The following OLFM2 variants were observed in gnomAD, a reference collection of about 807,000 sequenced individuals.
OLFM2 encodes the protein noelin-2.
Under a neutral mutation model 43.9 loss-of-function variants are expected in OLFM2, and 20 were observed. The observed-to-expected ratio is 0.46, with a 90% CI of 0.32 to 0.66. The LOEUF (loss-of-function observed/expected upper bound fraction) is 0.66. OLFM2 is among the 30% of genes least tolerant of loss of function. The pLI is 0.04. For synonymous variants in OLFM2, 268 were observed against 278.6 expected (o/e 0.96, Z 0.38); for missense variants, 416 against 643.6 (o/e 0.65, Z 3.83).
In OLFM2 at chr19:9,853,993, TC is replaced by T. The variant is rs2046291732; in HGVS notation, c.*192del. On this transcript the variant is annotated 3_prime_UTR_variant, in exon 6 of 6. Coordinates refer to ENST00000264833, the MANE Select transcript of OLFM2 (RefSeq NM_058164.4). Reference sequence around the variant, plus strand: ...AGAAGTGGTGTATTAAAAGCAGAGATCAATAAAGGAGAAGAGGGGAAATTGA... The same window carrying T: ...AGAAGTGGTGTATTAAAAGCAGAGATAATAAAGGAGAAGAGGGGAAATTGA... The T allele has an allele frequency of 1.7e-6, 1 of 595,570 alleles. No homozygotes were observed. The highest frequency in any genetic ancestry group is 3.0e-6 in the Non-Finnish European group (1 of 336,794). 36.9% of individuals were successfully genotyped at this position (595,570 alleles called of 1,614,324 possible).
At chr19:9,867,232 G>C (rs991781275) in intron 1 of OLFM2, among the ~76,000 whole-genome samples, 1 of 152,088 alleles carries the variant, frequency 6.6e-6, no homozygotes, top group African/African-American at 2.4e-5. Context: ...TTAGCCAGAC[G>C]TGGTGGCAGG....
intron 1 of OLFM2, among the ~76,000 whole-genome samples, chr19:9,892,292 G>A (rs143670474): frequency 6.6e-6 from 1 of 152,258 alleles, no homozygotes; most frequent in African/African-American, 2.4e-5. Context: ...CATCACTCAA[G>A]TCTGTATCAG....
intron 5 of OLFM2, among the ~76,000 whole-genome samples, chr19:9,855,128 G>C (rs1352870118): frequency 2.0e-5 from 3 of 151,960 alleles, no homozygotes; most frequent in Non-Finnish European, 4.4e-5. Context: ...CCAATGACCA[G>C]GGAATTCCTG....
chr19:9,872,033 T>C (rs1173403899), intron 1 of OLFM2, among the ~76,000 whole-genome samples: 1 of 152,184 alleles, frequency 6.6e-6, no homozygotes, highest in Non-Finnish European at 1.5e-5. Flanking sequence ...AGGCTGTGGC[T>C]TCTCTCTGAC....
intron 1 of OLFM2, among the ~76,000 whole-genome samples, chr19:9,887,492 T>G (rs1215981376): frequency 2.0e-5 from 3 of 152,158 alleles, no homozygotes; most frequent in African/African-American, 7.2e-5. Flanking sequence ...TCTCTTTCTC[T>G]TATACCAATG....
rs568467341 is a variant in OLFM2 at position 9,886,250 on chromosome 19, G to T, written c.64-25456C>A. Among the ~76,000 whole-genome samples, 97 of 152,278 alleles carry T rather than the reference G, an allele frequency of 6.4e-4. 1 individual carries two copies. Among genetic ancestry groups the T allele is most frequent in the Admixed American group, 6.3e-3 (97 of 15,294 alleles). ...GACAGAGTTTCGCTCTTGTTGCCCA[G>T]GCTGGAGTACAATGGAGTGATCTTG... On this transcript the variant is annotated intron_variant, in intron 1 of 5. Coordinates refer to ENST00000264833, the MANE Select transcript of OLFM2 (RefSeq NM_058164.4).
chr19:9,931,540 A>C (rs2086481853), intron 1 of OLFM2, among the ~76,000 whole-genome samples: 1 of 151,938 alleles, frequency 6.6e-6, no homozygotes, highest in Non-Finnish European at 1.5e-5. Context: ...ATCTCTACTA[A>C]AAATACAAAA....
intron 1 of OLFM2, among the ~76,000 whole-genome samples, chr19:9,920,741 C>CAAAAAAAAAAAAAAAAAAAA (rs557455889): frequency 7.9e-6 from 1 of 126,642 alleles, no homozygotes; most frequent in African/African-American, 2.8e-5. Flanking sequence ...ACTAAACATA[C>CAAAAAAAAAAAAAAAAAAAA]AAAAAAAAAA....
In OLFM2 at chr19:9,856,800, C is replaced by A. The variant is rs2046321638; in HGVS notation, c.687+7G>T. 1.2e-6 allele frequency: 2 copies of A among 1,611,284 alleles called. No individual in the cohort carries two copies. Among genetic ancestry groups the A allele is most frequent in the East Asian group, 4.5e-5 (2 of 44,840 alleles). On this transcript the variant is annotated splice_region_variant and intron_variant, in intron 5 of 5. Transcript: ENST00000264833. This position sits in a 1 kb window ranked among gnomAD's most constrained non-coding sequence, Gnocchi z 4.0. ...CCCTGACCCCAGGGGTGGGCGCAGT[C>A]ACTCACCCGGCTATCCGCACTGGGG...
intron 1 of OLFM2, among the ~76,000 whole-genome samples, chr19:9,917,989 G>A (rs974955869): frequency 1.3e-5 from 2 of 150,976 alleles, no homozygotes; most frequent in Non-Finnish European, 3.0e-5. Context: ...AGTAATTCTC[G>A]TGCCTCAGCC....
In OLFM2 at chr19:9,854,024, A is replaced by AT. The variant is rs916991105; in HGVS notation, c.*161dup. 10 of 630,486 alleles carry AT rather than the reference A, an allele frequency of 1.6e-5. No homozygotes were observed. The African/African-American group carries it at 1.7e-4, about 10-fold the overall frequency. 39.1% of individuals were successfully genotyped at this position (630,486 alleles called of 1,614,324 possible). A position where few individuals can be genotyped will look rare whatever the true frequency, so the allele number is the denominator to read the frequency against. On this transcript the variant is annotated 3_prime_UTR_variant, in exon 6 of 6. Transcript: ENST00000264833. This position sits in a 1 kb window ranked among gnomAD's most constrained non-coding sequence, Gnocchi z 9.5. ...AAGGAGAAGAGGGGAAATTGAAAAA[A>AT]TAGACAGAAATACATAGGCAGAGAA... is the stretch of plus-strand genomic sequence containing the variant.
chr19:9,922,420 C>G (rs2086427166), intron 1 of OLFM2, among the ~76,000 whole-genome samples: 1 of 152,090 alleles, frequency 6.6e-6, no homozygotes, highest in African/African-American at 2.4e-5. Flanking sequence ...AATTCATCAT[C>G]AGGCACATCA....
chr19:9,883,192 A>G (rs2145456962), intron 1 of OLFM2, among the ~76,000 whole-genome samples: 1 of 127,904 alleles, frequency 7.8e-6, no homozygotes, highest in Non-Finnish European at 1.7e-5. Flanking sequence ...CTGGGTGACA[A>G]GAGCGAGACT....
At position 9,854,836 on chromosome 19, in the gene OLFM2, C is replaced by A; in HGVS notation, c.715G>T (p.Gly239Cys). 1 of 1,598,774 alleles carries A rather than the reference C, an allele frequency of 6.3e-7. No homozygotes were observed. The highest frequency in any genetic ancestry group is 2.2e-5 in the East Asian group (1 of 44,522). The change falls in exon 6 of 6, where the codon GGC becomes TGC. Residue 239 changes from glycine (G) to cysteine (C), a missense_variant. Physicochemically the swap from Gly to Cys is radical, Grantham distance 159. Transcript: ENST00000264833. This position sits in a 1 kb window ranked among gnomAD's most constrained non-coding sequence, Gnocchi z 9.5. The part of the protein sequence containing the change: ...RVWYMDGYYK[G>C]RRVLEFRTLG... ...GTACGGAACTCCAGGACCCGGCGGC[C>A]TTTGTAATAGCCATCCATGTACCAG...
chr19:9,883,647 G>C (rs1462270598), intron 1 of OLFM2, among the ~76,000 whole-genome samples: 1 of 152,094 alleles, frequency 6.6e-6, no homozygotes, highest in Non-Finnish European at 1.5e-5. Context: ...AGCCTGCATT[G>C]TACCCGCCAG....
At chr19:9,863,147 G>C (rs1168954986) in intron 1 of OLFM2, among the ~76,000 whole-genome samples, 4 of 152,010 alleles carry the variant, frequency 2.6e-5, no homozygotes, top group African/African-American at 9.7e-5. Context: ...GGGGTTCCAG[G>C]CAGAGAGAAC....
chr19:9,896,091 ATTTTTT>A (rs71188854), intron 1 of OLFM2, among the ~76,000 whole-genome samples: 22 of 95,788 alleles, frequency 2.3e-4, no homozygotes, highest in Non-Finnish European at 3.0e-4. Context: ...CTTTATTTTA[ATTTTTT>A]TTTTTTTTTT....
At chr19:9,925,774 C>G (rs2086448482) in intron 1 of OLFM2, among the ~76,000 whole-genome samples, 1 of 151,160 alleles carries the variant, frequency 6.6e-6, no homozygotes, top group East Asian at 2.0e-4. Flanking sequence ...AAGAATTGAA[C>G]TCAGTGTCTC....
At chr19:9,880,360 G>A (rs868394101) in intron 1 of OLFM2, among the ~76,000 whole-genome samples, 7 of 152,182 alleles carry the variant, frequency 4.6e-5, no homozygotes, top group Non-Finnish European at 7.3e-5. Flanking sequence ...CAGGAGACGC[G>A]CAGACATCCC....
Sources: allele counts gnomAD v4.1 joint callset (sites outside exome capture counted in the v4.1 genomes callset), GRCh38; gene constraint gnomAD v4.1.1; non-coding constraint Gnocchi (gnomAD v3.1); transcripts MANE v1.5; gene names NCBI Gene and HGNC (gene_info 2026-07-23, HGNC 2026-07-21).